The following CNGA3 variants were observed in gnomAD, a reference collection of about 807,000 sequenced individuals.
CNGA3 encodes the protein cyclic nucleotide gated channel subunit alpha 3, also known as cyclic nucleotide-gated channel alpha-3.
In CNGA3, 42 loss-of-function variants were observed where a neutral mutation model predicts 46.6. That is an observed-to-expected ratio of 0.90 (90% CI 0.70 to 1.17). CNGA3 has a LOEUF of 1.17. Ranked by LOEUF, CNGA3 falls within the 50% of genes most tolerant of loss-of-function variation. The probability of loss-of-function intolerance (pLI) is 0.00; values close to 1 mark genes in which losing one functional copy is unlikely to be tolerated. For missense variants in CNGA3, 893 were observed against 890.7 expected (o/e 1.00, Z -0.03); for synonymous variants, 394 against 369.4 (o/e 1.07, Z -0.76).
At chr2:98,381,298 T>G (rs1406111962) in intron 4 of CNGA3, among the ~76,000 whole-genome samples, 1 of 151,256 alleles carries the variant, frequency 6.6e-6, no homozygotes, top group Non-Finnish European at 1.5e-5. Flanking sequence ...TTCTGGGGGG[T>G]GGGAAAAGGG....
intron 1 of CNGA3, among the ~76,000 whole-genome samples, chr2:98,361,670 T>C (rs1468672563): frequency 2.7e-5 from 4 of 150,546 alleles, no homozygotes; most frequent in Non-Finnish European, 5.9e-5. Context: ...TTCCTGTTTC[T>C]CCACAGCCCC....
intron 1 of CNGA3, among the ~76,000 whole-genome samples, chr2:98,365,856 C>A (rs1038797735): frequency 2.0e-5 from 3 of 152,166 alleles, no homozygotes; most frequent in Non-Finnish European, 2.9e-5. Flanking sequence ...TCCTTTAGCT[C>A]AGCAAAGTTT....
At chr2:98,379,182 A>G (rs1389117410) in intron 3 of CNGA3, among the ~76,000 whole-genome samples, 6 of 152,374 alleles carry the variant, frequency 3.9e-5, no homozygotes, top group South Asian at 4.1e-4. Context: ...TGTCTGCGGC[A>G]GCAGCTGTAA....
At chr2:98,380,426 A>G (rs2104206323) in intron 4 of CNGA3, 72 bp downstream of exon 4, 1 of 1,550,214 alleles carries the variant, frequency 6.5e-7, no homozygotes, top group East Asian at 2.4e-5. Flanking sequence ...GCTTTGCTCC[A>G]TCCTGTTTGG....
chr2:98,360,697 C>CG (rs1279196270), intron 1 of CNGA3, among the ~76,000 whole-genome samples: 2 of 151,800 alleles, frequency 1.3e-5, no homozygotes, highest in Non-Finnish European at 2.9e-5. Flanking sequence ...ATAATGAGGC[C>CG]GGGGGGAGGT....
chr2:98,373,144 G>T (rs1193238197), intron 2 of CNGA3, among the ~76,000 whole-genome samples: 1 of 152,158 alleles, frequency 6.6e-6, no homozygotes, highest in African/African-American at 2.4e-5. Flanking sequence ...GATGGAGGCT[G>T]GGCCCAGCCC....
At chr2:98,366,893 G>A (rs1303443669) in intron 1 of CNGA3, among the ~76,000 whole-genome samples, 2 of 152,210 alleles carry the variant, frequency 1.3e-5, no homozygotes, top group Non-Finnish European at 2.9e-5. Flanking sequence ...GGGCTCACGA[G>A]GGAATCGCCT....
At chr2:98,361,346 C>T (rs1413338612) in intron 1 of CNGA3, among the ~76,000 whole-genome samples, 4 of 152,148 alleles carry the variant, frequency 2.6e-5, no homozygotes, top group Non-Finnish European at 4.4e-5. Flanking sequence ...CATGTCCCTG[C>T]AAAGGACATG....
rs994092587 is a variant in CNGA3 at position 98,380,332 on chromosome 2, G to A, written c.373G>A (p.Glu125Lys). ...SNAQANVGSQEPADRGRSAWP... is the reference protein window; with the variant it reads ...SNAQANVGSQKPADRGRSAWP... ...TGCCCAGGCAAATGTGGGCAGCCAG[G>A]AGCCAGCAGACAGAGGGAGAAGGTA... Residue 125 changes from glutamate to lysine, a missense_variant, in exon 4 of 8, where the codon GAG becomes AAG. By Grantham distance (56) the Glu-to-Lys change is moderately conservative. This residue lies in a region of CNGA3 where 333 missense variants were observed against 290.8 expected (regional missense o/e 1.15). Coordinates refer to ENST00000272602, the MANE Select transcript of CNGA3 (RefSeq NM_001298.3). 3 of 1,614,062 alleles carry A rather than the reference G, an allele frequency of 1.9e-6. No individual in the cohort carries two copies. Among genetic ancestry groups the A allele is most frequent in the Non-Finnish European group, 1.7e-6 (2 of 1,180,022 alleles).
At chr2:98,367,455 A>C in intron 1 of CNGA3, among the ~76,000 whole-genome samples, 1 of 151,672 alleles carries the variant, frequency 6.6e-6, no homozygotes, top group Non-Finnish European at 1.5e-5. Context: ...CGGCCTCCCA[A>C]AGTGCGGGGA....
At chr2:98,362,417 G>A (rs961262996) in intron 1 of CNGA3, among the ~76,000 whole-genome samples, 4 of 151,702 alleles carry the variant, frequency 2.6e-5, no homozygotes, top group African/African-American at 9.7e-5. Context: ...CTGACCTCAG[G>A]TGATCCACCT....
intron 1 of CNGA3, among the ~76,000 whole-genome samples, chr2:98,362,961 T>C (rs1421376251): frequency 6.6e-6 from 1 of 152,212 alleles, no homozygotes; most frequent in Admixed American, 6.5e-5. Context: ...CAGATGGTTG[T>C]AGATGTGTGG....
At chr2:98,379,253 G>A (rs1046252037) in intron 3 of CNGA3, among the ~76,000 whole-genome samples, 1 of 152,254 alleles carries the variant, frequency 6.6e-6, no homozygotes, top group Non-Finnish European at 1.5e-5. Flanking sequence ...GGTCATAAGT[G>A]TGTGATTAGG....
chr2:98,392,225 G>A (rs956676077), intron 7 of CNGA3, among the ~76,000 whole-genome samples: 3 of 152,230 alleles, frequency 2.0e-5, no homozygotes, highest in Non-Finnish European at 2.9e-5. Flanking sequence ...CCTTGAGCAA[G>A]TCAGGCTGTC....
At chr2:98,353,329 C>G (rs1203339242) in intron 1 of CNGA3, among the ~76,000 whole-genome samples, 1 of 152,144 alleles carries the variant, frequency 6.6e-6, no homozygotes, top group Non-Finnish European at 1.5e-5. Context: ...CTTTTTCTTT[C>G]TGTTTTTGAA....
intron 2 of CNGA3, among the ~76,000 whole-genome samples, chr2:98,372,853 G>GC (rs1692318300): frequency 6.6e-6 from 1 of 152,034 alleles, no homozygotes; most frequent in Admixed American, 6.6e-5. Flanking sequence ...CTGTGTCCAA[G>GC]CCCTGCTGTT....
rs1456656496 is a variant in CNGA3, at chr2:98,374,897, G to A, written c.102-2790G>A. Among the ~76,000 whole-genome samples the A allele has an allele frequency of 5.3e-5, 8 of 152,356 alleles. 1 individual carries two copies. Among genetic ancestry groups the A allele is most frequent in the African/African-American group, 9.6e-5 (4 of 41,590 alleles). ...CTCCCTGTTCTTCACGGCCAGTTGT[G>A]CCTTTCTGGTAACTGAAATCCACAT... On this transcript the variant is annotated intron_variant, in intron 2 of 7. Coordinates refer to ENST00000272602, the MANE Select transcript of CNGA3 (RefSeq NM_001298.3).
chr2:98,395,911 G>T lies in CNGA3; in HGVS notation c.741G>T (p.Thr247=). 6.2e-7 allele frequency: 1 copy of T among 1,614,168 alleles called. No individual in the cohort carries two copies. Among genetic ancestry groups the T allele is most frequent in the Non-Finnish European group, 8.5e-7 (1 of 1,180,024 alleles). Residue 247 remains threonine (T), a synonymous_variant, in exon 8 of 8, where the codon ACG becomes ACT. Coordinates refer to ENST00000272602, the MANE Select transcript of CNGA3 (RefSeq NM_001298.3). ...TGTGGCAGCATTACAAGACGACCACGCAGTTCAAGCTGGATGTGTTGTCCC... is the reference window on the plus strand; with the variant it reads ...TGTGGCAGCATTACAAGACGACCACTCAGTTCAAGCTGGATGTGTTGTCCC... ...NRLWQHYKTT[T]QFKLDVLSLV...
chr2:98,396,243 G>A lies in CNGA3; in HGVS notation c.1073G>A (p.Trp358Ter). The change falls in exon 8 of 8, where the codon TGG (tryptophan) becomes TAG (stop). Residue 358 changes from tryptophan (W) to a stop codon, truncating the protein, a stop_gained. Transcript: ENST00000272602. LOFTEE classifies it high-confidence loss of function. ...LSRKYIYSLY[W>*]STLTLTTIGE... Reference sequence around the variant, plus strand: ...AGGAAGTACATTTACAGTCTCTACTGGTCCACCTTGACCCTTACCACCATT... The same window carrying A: ...AGGAAGTACATTTACAGTCTCTACTAGTCCACCTTGACCCTTACCACCATT... 5 of 1,613,972 alleles carry A rather than the reference G, an allele frequency of 3.1e-6. No individual in the cohort carries two copies. Among genetic ancestry groups the A allele is most frequent in the Non-Finnish European group, 4.2e-6 (5 of 1,179,966 alleles).
Sources: gnomAD v4.1 joint callset for allele counts (sites outside exome capture counted in the v4.1 genomes callset) on GRCh38, gnomAD v4.1.1 for gene constraint, gnomAD v4.1.1 regional missense constraint, MANE v1.5 for transcripts, NCBI Gene and HGNC (gene_info 2026-07-23, HGNC 2026-07-21) for gene names.